The following TENT4B variants were observed in gnomAD, a reference collection of about 807,000 sequenced individuals.
TENT4B encodes the protein terminal nucleotidyltransferase 4B, also known as PAP associated domain containing 5.
A neutral mutation model predicts 75.0 loss-of-function variants in TENT4B; 10 were observed. The ratio of observed to expected loss-of-function variants is 0.13; its 90% CI spans 0.08 to 0.23. TENT4B has a LOEUF of 0.23. Ranked by LOEUF, TENT4B falls within the 10% of genes least tolerant of loss-of-function variation. The probability of loss-of-function intolerance (pLI) is 1.00; values close to 1 mark genes in which losing one functional copy is unlikely to be tolerated. For missense variants in TENT4B, 579 were observed against 893.8 expected, an observed-to-expected ratio of 0.65 and a Z score of 4.49; for synonymous variants, 350 against 357.7, an observed-to-expected ratio of 0.98 and a Z score of 0.24.
At chr16:50,204,496 G>A (rs1379848561) in intron 1 of TENT4B, among the ~76,000 whole-genome samples, 1 of 152,152 alleles carries the variant, frequency 6.6e-6, no homozygotes, top group Non-Finnish European at 1.5e-5. Flanking sequence ...AGTTCGAGGT[G>A]ACATCTTTGT....
At chr16:50,174,519 A>G (rs536092528) in intron 1 of TENT4B, among the ~76,000 whole-genome samples, 1 of 152,346 alleles carries the variant, frequency 6.6e-6, no homozygotes, top group South Asian at 2.1e-4. Context: ...CATGCATACA[A>G]TGTGGATCAA....
intron 2 of TENT4B, among the ~76,000 whole-genome samples, chr16:50,211,919 T>C (rs1214491292): frequency 1.3e-5 from 2 of 152,324 alleles, no homozygotes; most frequent in Admixed American, 1.3e-4. Context: ...ATAAGTCTTT[T>C]CTTATTTCTT....
At chr16:50,209,554 T>A (rs961080567) in intron 1 of TENT4B, among the ~76,000 whole-genome samples, 1 of 152,216 alleles carries the variant, frequency 6.6e-6, no homozygotes, top group African/African-American at 2.4e-5. Flanking sequence ...CTCTGGAGTT[T>A]TAAGATCCAC....
chr16:50,171,513 G>A (rs185304871), intron 1 of TENT4B, among the ~76,000 whole-genome samples: 2 of 152,190 alleles, frequency 1.3e-5, no homozygotes, highest in African/African-American at 4.8e-5. Context: ...TCCTAATAAG[G>A]GCCTTGGTCT....
At chr16:50,218,290 C>T (rs568026573) in intron 5 of TENT4B, among the ~76,000 whole-genome samples, 1 of 151,956 alleles carries the variant, frequency 6.6e-6, no homozygotes, top group Non-Finnish European at 1.5e-5. Flanking sequence ...TCCTTTAACC[C>T]ATTTCCCATA....
In TENT4B at chr16:50,185,841, G is replaced by A. The variant is rs78052555; in HGVS notation, c.639-25482G>A. 2.7e-4 allele frequency among the ~76,000 whole-genome samples: 41 copies of A among 152,118 alleles called. No homozygotes were observed. The East Asian group carries it at 7.7e-3, about 29-fold the overall frequency. ...TCCTCAGAGGTGACCTGTCCTCAGA[G>A]GCAAATGTGTGCCCTTTCCATCCGT... On this transcript the variant is annotated intron_variant, in intron 1 of 11. Coordinates refer to ENST00000561678, the MANE Select transcript of TENT4B (RefSeq NM_001365324.3).
In TENT4B at chr16:50,211,360, T is replaced by A. The variant is rs2031268514; in HGVS notation, c.676T>A (p.Ser226Thr). ...EEISDFYEYM[S>T]PRPEEEKMRM... ...AATCAGTGATTTTTATGAATACATG[T>A]CTCCAAGACCTGAGGAGGAGAAGAT... The change falls in exon 2 of 12, where the codon TCT becomes ACT. Residue 226 changes from serine to threonine, a missense_variant. Ser to Thr is a moderately conservative substitution (Grantham distance 58). Transcript: ENST00000561678. The A allele has an allele frequency of 6.2e-7, 1 of 1,606,224 alleles. No homozygotes were observed. The highest frequency in any genetic ancestry group is 8.5e-7 in the Non-Finnish European group (1 of 1,178,136).
chr16:50,222,256 G>C (rs769547327), intron 5 of TENT4B, 50 bp from the exon 6 acceptor site: 28 of 1,516,906 alleles, frequency 1.8e-5, no homozygotes, highest in Non-Finnish European at 2.2e-5. Context: ...TTAATGCTTA[G>C]ATCTGTTGCT....
chr16:50,162,674 A>C lies in TENT4B; in HGVS notation c.638+8415A>C, dbSNP rs528068498. Among the ~76,000 whole-genome samples, 5 of 152,072 alleles carry C rather than the reference A, an allele frequency of 3.3e-5. No homozygotes were observed. In the East Asian group the frequency reaches 9.6e-4, roughly 29 times the overall value. On this transcript the variant is annotated intron_variant, in intron 1 of 11. Coordinates refer to ENST00000561678, the MANE Select transcript of TENT4B (RefSeq NM_001365324.3). ...AATTTTCCAGTTTTTCTTTGGTTTT[A>C]CTCTTAGCAGTAACATTTTAACTTT...
chr16:50,159,220 C>G (rs927795579), intron 1 of TENT4B, among the ~76,000 whole-genome samples: 12 of 150,694 alleles, frequency 8.0e-5, no homozygotes, highest in Non-Finnish European at 5.9e-5. Flanking sequence ...CTCTCGCTCT[C>G]GCTCCCTCCC....
chr16:50,161,554 G>A (rs1403631173), intron 1 of TENT4B, among the ~76,000 whole-genome samples: 1 of 152,128 alleles, frequency 6.6e-6, no homozygotes, highest in Non-Finnish European at 1.5e-5. Flanking sequence ...CAATAAAATG[G>A]AAGCCTTTAT....
At chr16:50,192,248 A>G (rs971159579) in intron 1 of TENT4B, among the ~76,000 whole-genome samples, 2 of 151,852 alleles carry the variant, frequency 1.3e-5, no homozygotes, top group South Asian at 4.2e-4. Context: ...AAAAAAAAAA[A>G]ATCATTAATA....
At chr16:50,152,951 C>T (rs527544581), upstream of TENT4B, 7 of 1,506,832 alleles carry the variant, frequency 4.6e-6, no homozygotes, top group African/African-American at 8.6e-5. Context: ...GCGGCAACCT[C>T]CATGCGGCCT....
chr16:50,164,595 C>T (rs896870682), intron 1 of TENT4B, among the ~76,000 whole-genome samples: 42 of 152,138 alleles, frequency 2.8e-4, no homozygotes, highest in Non-Finnish European at 4.7e-4. Context: ...GTGTGAGCCA[C>T]TGCGCCTGGC....
In TENT4B at chr16:50,234,728, A is replaced by G; in HGVS notation, c.*5400A>G. ...AAGAGTCTCCAGTCTTTACTACTAAAAAGCAGCACTGCCTTAACACACATT... is the reference window on the plus strand; with the variant it reads ...AAGAGTCTCCAGTCTTTACTACTAAGAAGCAGCACTGCCTTAACACACATT... On this transcript the variant is annotated 3_prime_UTR_variant, in exon 12 of 12. Transcript: ENST00000561678. The G allele has an allele frequency of 3.0e-6, 3 of 985,460 alleles. No homozygotes were observed. The highest frequency in any genetic ancestry group is 3.6e-6 in the Non-Finnish European group (3 of 829,946). 61.0% of individuals were successfully genotyped at this position (985,460 alleles called of 1,614,324 possible). A position where few individuals can be genotyped will look rare whatever the true frequency, so the allele number is the denominator to read the frequency against.
intron 1 of TENT4B, among the ~76,000 whole-genome samples, chr16:50,202,186 A>G (rs1170103439): frequency 6.6e-6 from 1 of 152,232 alleles, no homozygotes; most frequent in East Asian, 1.9e-4. Context: ...TGTTTTGGAT[A>G]CTGGAATTTT....
chr16:50,188,182 T>G (rs7191151), intron 1 of TENT4B, among the ~76,000 whole-genome samples: 101,567 of 152,174 alleles, frequency 0.67, 35,789 homozygotes, highest in Non-Finnish European at 0.77. Flanking sequence ...CAGTTGCTCC[T>G]CTCATTGTGA....
At chr16:50,167,385 GT>G (rs34758987) in intron 1 of TENT4B, among the ~76,000 whole-genome samples, 53 of 141,628 alleles carry the variant, frequency 3.7e-4, no homozygotes, top group Non-Finnish European at 4.3e-4. Context: ...CATGCTGTGG[GT>G]TTTTTTTTTT....
intron 4 of TENT4B, among the ~76,000 whole-genome samples, chr16:50,217,142 G>A (rs2031599496): frequency 6.6e-6 from 1 of 151,968 alleles, no homozygotes; most frequent in Non-Finnish European, 1.5e-5. Context: ...GAAGGTTTTT[G>A]TTCATTTTAA....
Sources: allele counts gnomAD v4.1 joint callset (sites outside exome capture counted in the v4.1 genomes callset), GRCh38; gene constraint gnomAD v4.1.1; transcripts MANE v1.5; gene names NCBI Gene and HGNC (gene_info 2026-07-23, HGNC 2026-07-21).